The following RAD51B variants were observed in gnomAD, a reference collection of about 807,000 sequenced individuals.
The protein encoded by RAD51B is DNA repair protein RAD51 homolog 2.
Under a neutral mutation model 42.2 loss-of-function variants are expected in RAD51B, and 38 were observed. That is an observed-to-expected ratio of 0.90 (90% CI 0.70 to 1.18). The LOEUF (loss-of-function observed/expected upper bound fraction) is 1.18, where lower values mean the gene tolerates loss of function less well. Among genes scored for constraint, RAD51B ranks in the 50% most tolerant of loss-of-function variants. The pLI, the probability that RAD51B is intolerant of heterozygous loss-of-function variation, is 0.00. For missense variants in RAD51B, 373 were observed against 400.7 expected (o/e 0.93, Z 0.59); for synonymous variants, 154 against 145.2 (o/e 1.06, Z -0.43).
chr14:68,233,551 T>C (rs759411913), intron 7 of RAD51B, among the ~76,000 whole-genome samples: 1 of 152,250 alleles, frequency 6.6e-6, no homozygotes, highest in Admixed American at 6.5e-5. Context: ...ATGCTAGTCA[T>C]TGGAGATGCA....
Position 67,989,635 on chromosome 14 carries a change from C to CAAAAAA in RAD51B, c.756+102448_756+102453dup, listed in dbSNP as rs764608072. ...GGGCAACAAGAGCGAAACTCTGTCTCAAAAAAAAAAAAAAAAAAAAAAGAA... is the reference window on the plus strand; with the variant it reads ...GGGCAACAAGAGCGAAACTCTGTCTCAAAAAAAAAAAAAAAAAAAAAAAAAAAAGAA... On this transcript the variant is annotated intron_variant, in intron 7 of 10. Transcript: ENST00000471583. Among the ~76,000 whole-genome samples the CAAAAAA allele has an allele frequency of 5.6e-3, 371 of 66,702 alleles. 7 individuals carry two copies. The highest frequency in any genetic ancestry group is 0.019 in the Middle Eastern group (2 of 104). 43.8% of individuals were successfully genotyped at this position (66,702 alleles called of 152,430 possible). A position where few individuals can be genotyped will look rare whatever the true frequency, so the allele number is the denominator to read the frequency against.
intron 11 of RAD51B, among the ~76,000 whole-genome samples, chr14:68,651,506 A>G (rs1892697606): frequency 6.6e-6 from 1 of 152,180 alleles, no homozygotes; most frequent in Admixed American, 6.5e-5. Flanking sequence ...CTAGCTGGAA[A>G]GCTCCACTAT....
intron 8 of RAD51B, among the ~76,000 whole-genome samples, chr14:68,363,723 T>G (rs760643102): frequency 7.2e-5 from 11 of 152,228 alleles, no homozygotes; most frequent in Non-Finnish European, 1.6e-4. Context: ...ACACAGTCTT[T>G]CTCCCGGCGG....
chr14:67,936,365 TG>T (rs1316362074), intron 7 of RAD51B, among the ~76,000 whole-genome samples: 1 of 152,252 alleles, frequency 6.6e-6, no homozygotes, highest in African/African-American at 2.4e-5. Flanking sequence ...CTTTTGTGAC[TG>T]GCTTCTTTCA....
At chr14:67,883,545 A>G (rs1403172476) in intron 5 of RAD51B, among the ~76,000 whole-genome samples, 1 of 152,118 alleles carries the variant, frequency 6.6e-6, no homozygotes, top group Non-Finnish European at 1.5e-5. Context: ...GGGTATCCAC[A>G]TGGTTCATTT....
At chr14:67,937,276 CCTT>C (rs2044989457) in intron 7 of RAD51B, among the ~76,000 whole-genome samples, 1 of 152,140 alleles carries the variant, frequency 6.6e-6, no homozygotes, top group Admixed American at 6.5e-5. Context: ...ACATGACACA[CCTT>C]CTTCCTGTCT....
intron 8 of RAD51B, among the ~76,000 whole-genome samples, chr14:68,393,974 AC>A (rs1306283415): frequency 5.9e-5 from 9 of 151,956 alleles, no homozygotes; most frequent in Non-Finnish European, 1.0e-4. Flanking sequence ...GAAGAGAAGA[AC>A]TGGGGGAATT....
chr14:67,869,760 G>A (rs1016255149), intron 5 of RAD51B, among the ~76,000 whole-genome samples: 1 of 152,206 alleles, frequency 6.6e-6, no homozygotes, highest in Non-Finnish European at 1.5e-5. Flanking sequence ...CTACAAGCCA[G>A]AAGAGAGTGG....
chr14:68,479,667 C>CTTTTTT (rs34999023), downstream of RAD51B, among the ~76,000 whole-genome samples: 17 of 96,450 alleles, frequency 1.8e-4, no homozygotes, highest in African/African-American at 3.3e-4. Context: ...TCTTATTCTT[C>CTTTTTT]TTTTTTTTTT....
chr14:68,094,563 A>G (rs2077160064), intron 7 of RAD51B, among the ~76,000 whole-genome samples: 1 of 152,258 alleles, frequency 6.6e-6, no homozygotes. Flanking sequence ...CCAAAGACAG[A>G]TGCCAGACAA....
At chr14:68,402,607 C>A (rs548503237) in intron 8 of RAD51B, among the ~76,000 whole-genome samples, 2 of 152,290 alleles carry the variant, frequency 1.3e-5, no homozygotes, top group East Asian at 1.9e-4. Flanking sequence ...CTAAGAAAAT[C>A]TCTAGTCTGG....
intron 10 of RAD51B, among the ~76,000 whole-genome samples, chr14:68,521,383 T>C (rs955380242): frequency 1.3e-5 from 2 of 152,218 alleles, no homozygotes; most frequent in Non-Finnish European, 2.9e-5. Flanking sequence ...TCTCAGAGTC[T>C]GAACAGCTGG....
chr14:68,193,003 A>C (rs534053547), intron 7 of RAD51B, among the ~76,000 whole-genome samples: 2 of 152,310 alleles, frequency 1.3e-5, no homozygotes, highest in African/African-American at 4.8e-5. Context: ...AGACACTCAA[A>C]ATGTTTCCAA....
rs542685910 is a variant in RAD51B at position 67,830,928 on chromosome 14, C to A, written c.199-4152C>A. Among the ~76,000 whole-genome samples the A allele has an allele frequency of 2.0e-5, 3 of 151,834 alleles. No individual in the cohort carries two copies. In the East Asian group the frequency reaches 5.8e-4, roughly 29 times the overall value. Reference sequence around the variant, plus strand: ...TGAGATGGAGTTTCGCTCTTGTCACCCAGGCTGGAGTGCAATGGTGAGATC... The same window carrying A: ...TGAGATGGAGTTTCGCTCTTGTCACACAGGCTGGAGTGCAATGGTGAGATC... On this transcript the variant is annotated intron_variant, in intron 3 of 10. Transcript: ENST00000471583.
intron 7 of RAD51B, among the ~76,000 whole-genome samples, chr14:68,135,550 A>G (rs1488460677): frequency 7.2e-5 from 11 of 152,124 alleles, no homozygotes; most frequent in East Asian, 3.8e-4. Context: ...GGAGCTTACA[A>G]TTTGGTTCTC....
intron 8 of RAD51B, among the ~76,000 whole-genome samples, chr14:68,401,525 T>C (rs994029674): frequency 6.6e-6 from 1 of 152,216 alleles, no homozygotes; most frequent in Non-Finnish European, 1.5e-5. Context: ...TCCTGTCTTC[T>C]GCTTCACATT....
chr14:68,485,199 A>G (rs1352864023), intron 10 of RAD51B, among the ~76,000 whole-genome samples: 1 of 152,202 alleles, frequency 6.6e-6, no homozygotes, highest in Admixed American at 6.5e-5. Flanking sequence ...TACTGCAAGC[A>G]TACTCATTCC....
chr14:68,517,665 G>A (rs764463341), intron 10 of RAD51B, among the ~76,000 whole-genome samples: 2 of 152,080 alleles, frequency 1.3e-5, no homozygotes, highest in African/African-American at 4.8e-5. Context: ...ATGCTAAGAC[G>A]TATATGTACC....
At chr14:68,581,669 T>C (rs912124935) in intron 10 of RAD51B, among the ~76,000 whole-genome samples, 1 of 152,146 alleles carries the variant, frequency 6.6e-6, no homozygotes, top group Non-Finnish European at 1.5e-5. Flanking sequence ...TTAAATTTCA[T>C]ATGGAACCAA....
Sources: gnomAD v4.1 joint callset for allele counts (sites outside exome capture counted in the v4.1 genomes callset) on GRCh38, gnomAD v4.1.1 for gene constraint, MANE v1.5 for transcripts, NCBI Gene and HGNC (gene_info 2026-07-23, HGNC 2026-07-21) for gene names.